Variants in USP29 observed in about 807,000 individuals in gnomAD.
USP29 encodes the protein ubiquitin carboxyl-terminal hydrolase 29.
For synonymous variants in USP29, 386 were observed against 387.4 expected, an observed-to-expected ratio of 1.00 and a Z score of 0.04; for missense variants, 1,102 against 1,069.0, an observed-to-expected ratio of 1.03 and a Z score of -0.43.
Position 57,129,692 on chromosome 19 carries a change from A to T in USP29, c.1017A>T (p.Lys339Asn), listed in dbSNP as rs2086844629. The T allele has an allele frequency of 6.2e-7, 1 of 1,614,012 alleles. No individual in the cohort carries two copies. Among genetic ancestry groups the T allele is most frequent in the Non-Finnish European group, 8.5e-7 (1 of 1,180,000 alleles). The stretch of plus-strand genomic sequence containing the variant: ...CCTTGACCCAGCTGCTTGCTTTGAA[A>T]GATTTCTGTAGTACAAAGATCAAGA... ...IMTLTQLLALKDFCSTKIKRE... is the reference protein window; with the variant it reads ...IMTLTQLLALNDFCSTKIKRE... Residue 339 changes from lysine to asparagine, a missense_variant, in exon 4 of 4, where the codon AAA (lysine) becomes AAT (asparagine). Physicochemically the swap from Lys to Asn is moderately conservative, Grantham distance 94 (BLOSUM62 0). Transcript: ENST00000254181.
In USP29 at chr19:57,129,492, C is replaced by T. The variant is rs561697957; in HGVS notation, c.817C>T (p.Gln273Ter). 6.2e-7 allele frequency: 1 copy of T among 1,614,184 alleles called. No homozygotes were observed. The highest frequency in any genetic ancestry group is 1.1e-5 in the South Asian group (1 of 91,080). The change falls in exon 4 of 4, where the codon CAG (glutamine) becomes TAG (stop). Residue 273 changes from glutamine to a stop codon, truncating the protein, a stop_gained. Transcript: ENST00000254181. LOFTEE classifies it low-confidence loss of function (END_TRUNC). ...SQGDPRCNKA[Q>*]VPLDSHSQQL... Reference sequence around the variant, plus strand: ...GGGTGACCCAAGATGCAACAAAGCCCAGGTGCCTCTTGACTCTCATTCACA... The same window carrying T: ...GGGTGACCCAAGATGCAACAAAGCCTAGGTGCCTCTTGACTCTCATTCACA...
chr19:57,126,109 G>C (rs950490682), intron 3 of USP29, among the ~76,000 whole-genome samples: 1 of 152,160 alleles, frequency 6.6e-6, no homozygotes, highest in Non-Finnish European at 1.5e-5. Flanking sequence ...GGCTTGTAGG[G>C]TTTCTGGAGC....
At chr19:57,124,460 T>C (rs1258818059) in intron 3 of USP29, among the ~76,000 whole-genome samples, 1 of 83,278 alleles carries the variant, frequency 1.2e-5, no homozygotes, top group Non-Finnish European at 2.4e-5. Flanking sequence ...TCCCTGTTTT[T>C]TGTGGGGTTT....
rs778568907 is a variant in USP29, at chr19:57,129,313, T to C, written c.638T>C (p.Leu213Ser). The change falls in exon 4 of 4, where the codon TTA (leucine) becomes TCA (serine). Residue 213 changes from leucine (L) to serine (S), a missense_variant. Coordinates refer to ENST00000254181, the MANE Select transcript of USP29 (RefSeq NM_020903.3). ...AGCAATAGGAAGAACCCATCAAGTTTAGAGGATTTAGAAAAAGATAGAGAT... is the reference window on the plus strand; with the variant it reads ...AGCAATAGGAAGAACCCATCAAGTTCAGAGGATTTAGAAAAAGATAGAGAT... ...IQSNRKNPSS[L>S]EDLEKDRDLK... 6.2e-7 allele frequency: 1 copy of C among 1,614,168 alleles called. No individual in the cohort carries two copies. The highest frequency in any genetic ancestry group is 8.5e-7 in the Non-Finnish European group (1 of 1,180,028).
At chr19:57,128,001 T>C (rs2086832590) in intron 3 of USP29, among the ~76,000 whole-genome samples, 1 of 152,076 alleles carries the variant, frequency 6.6e-6, no homozygotes, top group East Asian at 1.9e-4. Context: ...TCTTCACGGC[T>C]TCCCTTGGCT....
Position 57,131,472 on chromosome 19 carries a change from T to C in USP29, c.*28T>C. ...GACTCACTCGGCCTCACTTCATCCT[T>C]GCAAAGAGAATCCTGTACTTCATCC... On this transcript the variant is annotated 3_prime_UTR_variant, in exon 4 of 4. Transcript: ENST00000254181. 6.4e-7 allele frequency: 1 copy of C among 1,562,692 alleles called. No homozygotes were observed. Among genetic ancestry groups the C allele is most frequent in the South Asian group, 1.2e-5 (1 of 82,300 alleles).
upstream of USP29, chr19:57,119,288 G>A (rs1599912807): frequency 6.6e-6 from 1 of 152,244 alleles, no homozygotes; most frequent in East Asian, 1.9e-4. Flanking sequence ...TTGGGGGCTT[G>A]TGGCCGAGTT....
Position 57,131,648 on chromosome 19 carries a change from C to G in USP29, c.*204C>G, listed in dbSNP as rs757781999. On this transcript the variant is annotated 3_prime_UTR_variant, in exon 4 of 4. Transcript: ENST00000254181. ...ACTCAGGCGCATATGCATATTTTCC[C>G]TGCAAGATTAGAATGGTGCTCTTCA... 1.4e-5 allele frequency: 11 copies of G among 766,700 alleles called. No individual in the cohort carries two copies. The highest frequency in any genetic ancestry group is 2.2e-5 in the Non-Finnish European group (11 of 503,356). The allele number at this position is 766,700 out of a possible 1,614,324, so 47.5% of individuals were successfully genotyped here. A position where few individuals can be genotyped will look rare whatever the true frequency, so the allele number is the denominator to read the frequency against.
intron 3 of USP29, among the ~76,000 whole-genome samples, chr19:57,128,098 A>T (rs1282551988): frequency 6.6e-6 from 1 of 151,998 alleles, no homozygotes; most frequent in Non-Finnish European, 1.5e-5. Context: ...GGTTGCACCC[A>T]CTGCCTAACT....
intron 2 of USP29, among the ~76,000 whole-genome samples, chr19:57,123,499 A>G (rs1490444863): frequency 1.3e-5 from 2 of 152,222 alleles, no homozygotes; most frequent in Non-Finnish European, 2.9e-5. Context: ...CTTATACGAA[A>G]GTAAGACTCA....
Position 57,128,661 on chromosome 19 carries a change from T to G in USP29, c.-15T>G. 1 of 1,540,354 alleles carries G rather than the reference T, an allele frequency of 6.5e-7. No homozygotes were observed. Among genetic ancestry groups the G allele is most frequent in the South Asian group, 1.3e-5 (1 of 77,410 alleles). On this transcript the variant is annotated splice_region_variant and 5_prime_UTR_variant, in exon 4 of 4. Transcript: ENST00000254181. ...TGCATGTGTGCTTTTCTTCTTTAGGTTACATAAAGAAAGGATGATATCTCT... is the reference window on the plus strand; with the variant it reads ...TGCATGTGTGCTTTTCTTCTTTAGGGTACATAAAGAAAGGATGATATCTCT...
chr19:57,131,781 A>C lies in USP29; in HGVS notation c.*337A>C, dbSNP rs1166344124. The C allele has an allele frequency of 4.1e-6, 1 of 243,878 alleles. No individual in the cohort carries two copies. Among genetic ancestry groups the C allele is most frequent in the African/African-American group, 2.3e-5 (1 of 43,838 alleles). The allele number at this position is 243,878 out of a possible 1,614,324, so 15.1% of individuals were successfully genotyped here. On this transcript the variant is annotated 3_prime_UTR_variant, in exon 4 of 4. Coordinates refer to ENST00000254181, the MANE Select transcript of USP29 (RefSeq NM_020903.3). ...GGTCACTCTCTAGACCAACTGATGC[A>C]GAAACAGGAGGTGTGAGCCAGCAAT...
rs555499809 is a variant in USP29, at chr19:57,130,879, A to T, written c.2204A>T (p.Gln735Leu). 5.6e-6 allele frequency: 9 copies of T among 1,614,224 alleles called. No individual in the cohort carries two copies. The South Asian group carries it at 9.9e-5, about 18-fold the overall frequency. The change falls in exon 4 of 4, where the codon CAG becomes CTG. Residue 735 changes from glutamine (Q) to leucine (L), a missense_variant. Coordinates refer to ENST00000254181, the MANE Select transcript of USP29 (RefSeq NM_020903.3). ...TCTCAAGGAATGGCTGAACAGCTCC[A>T]GCAGTGTATTGAGGAGAGCATCATA... The part of the protein sequence containing the change: ...EGSQGMAEQL[Q>L]QCIEESIIDE...
rs574575633 is a variant in USP29, at chr19:57,126,859, C to T, written c.-16-1801C>T. Among the ~76,000 whole-genome samples, 30 of 152,186 alleles carry T rather than the reference C, an allele frequency of 2.0e-4. 1 individual carries two copies. Among genetic ancestry groups the T allele is most frequent in the African/African-American group, 6.3e-4 (26 of 41,544 alleles). Reference sequence around the variant, plus strand: ...ACATTCTGTTTTTTGGATTTTTCAGCGTTGTTGTGCTGGTTTTTCCTCATC... The same window carrying T: ...ACATTCTGTTTTTTGGATTTTTCAGTGTTGTTGTGCTGGTTTTTCCTCATC... On this transcript the variant is annotated intron_variant, in intron 3 of 3. Coordinates refer to ENST00000254181, the MANE Select transcript of USP29 (RefSeq NM_020903.3).
rs2086785875 is a variant in USP29, at chr19:57,120,043, G to A, written c.-454G>A. Reference sequence around the variant, plus strand: ...GCGCCGGAAGGGGCGGGTCCGAGCTGAGATTTCCAGAGCCATGGGAGCCGG... The same window carrying A: ...GCGCCGGAAGGGGCGGGTCCGAGCTAAGATTTCCAGAGCCATGGGAGCCGG... On this transcript the variant is annotated 5_prime_UTR_variant, in exon 1 of 4. Transcript: ENST00000254181. The A allele has an allele frequency of 6.6e-6, 1 of 152,516 alleles. No homozygotes were observed. The highest frequency in any genetic ancestry group is 1.5e-5 in the Non-Finnish European group (1 of 68,268). The allele number at this position is 152,516 out of a possible 1,614,324, so 9.4% of individuals were successfully genotyped here. A position where few individuals can be genotyped will look rare whatever the true frequency, so the allele number is the denominator to read the frequency against.
intron 3 of USP29, among the ~76,000 whole-genome samples, chr19:57,124,612 G>A (rs945903765): frequency 3.3e-5 from 5 of 151,770 alleles, no homozygotes; most frequent in African/African-American, 1.2e-4. Flanking sequence ...GGGTTCAAGC[G>A]ATTCTCCTGC....
intron 3 of USP29, among the ~76,000 whole-genome samples, chr19:57,126,485 T>C (rs368530156): frequency 6.6e-5 from 10 of 152,196 alleles, no homozygotes; most frequent in Admixed American, 3.3e-4. Context: ...TAATCTTGTC[T>C]TCACGCCTTA....
intron 1 of USP29, among the ~76,000 whole-genome samples, chr19:57,121,240 G>A (rs1439026294): frequency 1.3e-5 from 2 of 148,608 alleles, no homozygotes; most frequent in Non-Finnish European, 3.0e-5. Flanking sequence ...TACACGTGTT[G>A]AAAATGTAGG....
In USP29 at chr19:57,130,282, G is replaced by A. The variant is rs2086849623; in HGVS notation, c.1607G>A (p.Ser536Asn). ...NEQVYIPKSL[S>N]LSSYCNESTK... ...CAAGTTTATATTCCCAAATCTTTAA[G>A]TTTATCTTCTTATTGCAATGAAAGC... Residue 536 changes from serine (S) to asparagine (N), a missense_variant, in exon 4 of 4, where the codon AGT becomes AAT. Transcript: ENST00000254181. 1 of 1,614,028 alleles carries A rather than the reference G, an allele frequency of 6.2e-7. No individual in the cohort carries two copies. The highest frequency in any genetic ancestry group is 8.5e-7 in the Non-Finnish European group (1 of 1,180,010).
Sources: gnomAD v4.1 joint callset for allele counts (sites outside exome capture counted in the v4.1 genomes callset) on GRCh38, gnomAD v4.1.1 for gene constraint, MANE v1.5 for transcripts, NCBI Gene and HGNC (gene_info 2026-07-23, HGNC 2026-07-21) for gene names.